MEMO1: variants seen among roughly 807,000 people sequenced by gnomAD.
MEMO1 encodes the protein protein MEMO1.
MEMO1 carries 6 observed loss-of-function variants against 45.2 expected under a neutral mutation model. The ratio of observed to expected loss-of-function variants is 0.13; its 90% CI spans 0.07 to 0.26. MEMO1 has a LOEUF of 0.26. MEMO1 is among the 10% of genes least tolerant of loss of function. MEMO1 has a pLI of 1.00. For missense variants in MEMO1, 184 were observed against 370.5 expected, an observed-to-expected ratio of 0.50 and a Z score of 4.13; for synonymous variants, 78 against 124.3, an observed-to-expected ratio of 0.63 and a Z score of 2.48.
intron 4 of MEMO1, among the ~76,000 whole-genome samples, chr2:31,922,059 A>G (rs1453562506): frequency 6.6e-6 from 1 of 152,086 alleles, no homozygotes; most frequent in Non-Finnish European, 1.5e-5. Context: ...CACATCACAT[A>G]CAAAACTTAC....
At chr2:31,910,458 C>T (rs1247095144) in intron 6 of MEMO1, among the ~76,000 whole-genome samples, 1 of 152,088 alleles carries the variant, frequency 6.6e-6, no homozygotes, top group Non-Finnish European at 1.5e-5. Flanking sequence ...GTGATTATAG[C>T]TTATGGATAA....
At chr2:31,946,385 C>CA (rs1209652502) in intron 2 of MEMO1, among the ~76,000 whole-genome samples, 2 of 149,314 alleles carry the variant, frequency 1.3e-5, no homozygotes, top group Non-Finnish European at 1.5e-5. Flanking sequence ...TCCCAAAGTA[C>CA]AAAAAAAAAG....
chr2:31,969,593 GTGTGTGTGTGT>G (rs1669111416), intron 2 of MEMO1, among the ~76,000 whole-genome samples: 1 of 68,862 alleles, frequency 1.5e-5, no homozygotes, highest in African/African-American at 4.2e-5. Context: ...GTGGGTGTGT[GTGTGTGTGTGT>G]GTGTGTGTGT....
intron 4 of MEMO1, among the ~76,000 whole-genome samples, chr2:31,925,764 A>G (rs1683005287): frequency 6.6e-6 from 1 of 152,254 alleles, no homozygotes; most frequent in African/African-American, 2.4e-5. Flanking sequence ...CAGTATCATC[A>G]ACATGCACTA....
At chr2:32,003,863 GCAA>G (rs2148609431) in intron 2 of MEMO1, among the ~76,000 whole-genome samples, 1 of 152,160 alleles carries the variant, frequency 6.6e-6, no homozygotes, top group South Asian at 2.1e-4. Flanking sequence ...ACCAGCCTGG[GCAA>G]CAAAGTGAGA....
intron 7 of MEMO1, among the ~76,000 whole-genome samples, chr2:31,884,439 C>T (rs1675871520): frequency 6.6e-6 from 1 of 152,148 alleles, no homozygotes; most frequent in Admixed American, 6.5e-5. Context: ...CATCATGTGT[C>T]TTGTGCTTCA....
chr2:31,913,193 G>A (rs539892660), intron 6 of MEMO1, among the ~76,000 whole-genome samples: 2 of 150,374 alleles, frequency 1.3e-5, no homozygotes, highest in African/African-American at 4.9e-5. Context: ...TGACCCAGGA[G>A]GCGGAGGATG....
intron 6 of MEMO1, among the ~76,000 whole-genome samples, chr2:31,900,540 G>A (rs1456480776): frequency 2.0e-5 from 3 of 151,976 alleles, no homozygotes; most frequent in East Asian, 3.8e-4. Flanking sequence ...GGGGAGTGGG[G>A]GACTAGGGGA....
At chr2:31,983,553 G>C (rs191922201) in intron 2 of MEMO1, among the ~76,000 whole-genome samples, 88 of 152,182 alleles carry the variant, frequency 5.8e-4, no homozygotes, top group Admixed American at 2.2e-3. Context: ...TCCTGCCTCA[G>C]CCTCCTGAGT....
intron 2 of MEMO1, among the ~76,000 whole-genome samples, chr2:31,966,888 G>A (rs949906667): frequency 2.6e-5 from 4 of 151,966 alleles, no homozygotes; most frequent in East Asian, 1.9e-4. Context: ...GTCAAATTAC[G>A]AATACTTTGT....
chr2:31,881,474 GAT>G (rs1194612823), intron 8 of MEMO1, among the ~76,000 whole-genome samples: 1 of 117,402 alleles, frequency 8.5e-6, no homozygotes, highest in African/African-American at 3.2e-5. Flanking sequence ...CAGCCTAGGT[GAT>G]AGAGTGAGAG....
At chr2:31,875,492 T>A (rs1012385717) in intron 8 of MEMO1, among the ~76,000 whole-genome samples, 1 of 152,098 alleles carries the variant, frequency 6.6e-6, no homozygotes, top group Non-Finnish European at 1.5e-5. Flanking sequence ...CAAACTTACA[T>A]CTCTAGTCCA....
chr2:31,969,574 GGTGTGTGTGTGGGTGTGTGTGTGT>G (rs1669077796), intron 2 of MEMO1, among the ~76,000 whole-genome samples: 1 of 110,706 alleles, frequency 9.0e-6, no homozygotes, highest in African/African-American at 3.7e-5. Flanking sequence ...CTTTTCTGGG[GGTGTGTGTGTGGGTGTGTGTGTGT>G]GTGTGTGTGT....
At chr2:31,876,525 C>T (rs13005816) in intron 8 of MEMO1, among the ~76,000 whole-genome samples, 22,968 of 152,106 alleles carry the variant, frequency 0.15, 1,964 homozygotes, top group African/African-American at 0.23. Context: ...ACCATGTTTG[C>T]TTACTGCTGT....
intron 2 of MEMO1, among the ~76,000 whole-genome samples, chr2:31,968,428 C>T (rs975295406): frequency 7.2e-5 from 11 of 152,120 alleles, no homozygotes; most frequent in African/African-American, 2.2e-4. Flanking sequence ...GCTGATAACC[C>T]GACCCAGAAT....
intron 6 of MEMO1, among the ~76,000 whole-genome samples, chr2:31,906,300 GTTTTTT>G: frequency 6.7e-6 from 1 of 148,624 alleles, no homozygotes; most frequent in African/African-American, 2.5e-5. Context: ...TTTTGTTTTT[GTTTTTT>G]TTGTTTGTTT....
At chr2:31,923,621 C>T (rs368230913) in intron 4 of MEMO1, 10 of 1,539,876 alleles carry the variant, frequency 6.5e-6, no homozygotes, top group Non-Finnish European at 8.8e-6. Context: ...CTGACTAGGG[C>T]CAGGTAGTAT....
At chr2:31,922,050 A>C (rs1446484729) in intron 4 of MEMO1, among the ~76,000 whole-genome samples, 1 of 152,068 alleles carries the variant, frequency 6.6e-6, no homozygotes, top group Non-Finnish European at 1.5e-5. Context: ...CAACCTTCCC[A>C]CATCACATAC....
At chr2:31,910,493 T>C (rs1680397619) in intron 6 of MEMO1, among the ~76,000 whole-genome samples, 1 of 152,186 alleles carries the variant, frequency 6.6e-6, no homozygotes, top group South Asian at 2.1e-4. Flanking sequence ...AGTAATGTCA[T>C]AAGGGACAGG....
Sources: gnomAD v4.1 joint callset for allele counts (sites outside exome capture counted in the v4.1 genomes callset) on GRCh38, gnomAD v4.1.1 for gene constraint, MANE v1.5 for transcripts, NCBI Gene and HGNC (gene_info 2026-07-23, HGNC 2026-07-21) for gene names.